Variants in SLC9A9 observed in about 807,000 individuals in gnomAD.
SLC9A9 encodes the protein sodium/hydrogen exchanger 9.
In SLC9A9, 62 loss-of-function variants were observed where a neutral mutation model predicts 77.8. The ratio of observed to expected loss-of-function variants is 0.80; its 90% CI spans 0.65 to 0.98. SLC9A9 has a LOEUF of 0.98. Among genes scored for constraint, SLC9A9 ranks in the 50% least tolerant of loss-of-function variants. The pLI is 0.00. For synonymous variants in SLC9A9, 320 were observed against 283.5 expected (o/e 1.13, Z -1.29); for missense variants, 775 against 774.9 (o/e 1.00, Z 0.00).
At chr3:143,782,967 T>C (rs1432256956) in intron 4 of SLC9A9, among the ~76,000 whole-genome samples, 1 of 152,148 alleles carries the variant, frequency 6.6e-6, no homozygotes, top group Non-Finnish European at 1.5e-5. Context: ...CAAAGCCATA[T>C]TCTGTCAGTT....
chr3:143,636,458 T>C (rs888945986), intron 6 of SLC9A9, among the ~76,000 whole-genome samples: 3 of 152,202 alleles, frequency 2.0e-5, no homozygotes, highest in African/African-American at 7.2e-5. Flanking sequence ...ATTTTGATTT[T>C]CCCAGTTTTA....
intron 2 of SLC9A9, among the ~76,000 whole-genome samples, chr3:143,809,885 G>C (rs1240170724): frequency 6.6e-6 from 1 of 152,184 alleles, no homozygotes; most frequent in African/African-American, 2.4e-5. Flanking sequence ...CTGGTAGCTA[G>C]TGGCAATTGG....
At chr3:143,428,480 T>G (rs2034447219) in intron 12 of SLC9A9, among the ~76,000 whole-genome samples, 1 of 152,134 alleles carries the variant, frequency 6.6e-6, no homozygotes, top group Non-Finnish European at 1.5e-5. Flanking sequence ...TTATACATTG[T>G]TGGTAGAAAT....
At position 143,731,630 on chromosome 3, in the gene SLC9A9, C is replaced by T. The variant is rs142174807; in HGVS notation, c.534-38323G>A. Among the ~76,000 whole-genome samples, 67 of 152,236 alleles carry T rather than the reference C, an allele frequency of 4.4e-4. No individual in the cohort carries two copies. The East Asian group carries it at 9.1e-3, about 21-fold the overall frequency. ...GTCAATATGGTATTGAATGTAGTGC[C>T]CCGTGACAAACATGATTCTCTTAAG... On this transcript the variant is annotated intron_variant, in intron 4 of 15. Coordinates refer to ENST00000316549, the MANE Select transcript of SLC9A9 (RefSeq NM_173653.4).
In SLC9A9 at chr3:143,795,005, T is replaced by C. The variant is rs2008336418; in HGVS notation, c.529A>G (p.Ile177Val). 2 of 1,613,772 alleles carry C rather than the reference T, an allele frequency of 1.2e-6. No homozygotes were observed. Among genetic ancestry groups the C allele is most frequent in the African/African-American group, 1.3e-5 (1 of 74,972 alleles). ...FLGTAISCIVIGLIMYGFVKA... is the reference protein window; with the variant it reads ...FLGTAISCIVVGLIMYGFVKA... ...TGAGCTCCGAATGTCACTTACCCTA[T>C]GACGATGCAGGAGATGGCAGTTCCC... Residue 177 changes from isoleucine (I) to valine (V), a missense_variant, in exon 4 of 16, where the codon ATA becomes GTA. Transcript: ENST00000316549.
At chr3:143,312,930 C>G (rs1433542519) in intron 14 of SLC9A9, 1 of 152,250 alleles carries the variant, frequency 6.6e-6, no homozygotes, top group Non-Finnish European at 1.5e-5. Flanking sequence ...TAGACACTTT[C>G]TCTCCTTTCA....
intron 13 of SLC9A9, among the ~76,000 whole-genome samples, chr3:143,378,171 G>A (rs541418986): frequency 6.6e-6 from 1 of 152,316 alleles, no homozygotes; most frequent in East Asian, 1.9e-4. Flanking sequence ...CCCCAATAGA[G>A]TATATACTCT....
rs371826063 is a variant in SLC9A9 at position 143,382,106 on chromosome 3, A to G, written c.1478T>C (p.Val493Ala). ...CTCCTTCAGATTTTCATCCAGGTCC[A>G]CGCCAACTCTGTTAAACAAAACCAA... ...MLTWLQIRVG[V>A]DLDENLKEDP... Residue 493 changes from valine to alanine, a missense_variant, in exon 13 of 16, where the codon GTG becomes GCG. Physicochemically the swap from Val to Ala is moderately conservative, Grantham distance 64. Transcript: ENST00000316549. 68 of 1,614,012 alleles carry G rather than the reference A, an allele frequency of 4.2e-5. No individual in the cohort carries two copies. Among genetic ancestry groups the G allele is most frequent in the Non-Finnish European group, 5.6e-5 (66 of 1,179,982 alleles).
intron 1 of SLC9A9, among the ~76,000 whole-genome samples, chr3:143,837,966 T>C (rs1355488116): frequency 6.6e-6 from 1 of 152,212 alleles, no homozygotes; most frequent in Admixed American, 6.5e-5. Context: ...AGAACCTTGG[T>C]TTTTGATGAC....
At chr3:143,292,647 C>T (rs2030064213) in intron 14 of SLC9A9, among the ~76,000 whole-genome samples, 1 of 152,012 alleles carries the variant, frequency 6.6e-6, no homozygotes, top group Admixed American at 6.6e-5. Flanking sequence ...ATAGGAAGGT[C>T]CCTCATAATG....
chr3:143,525,956 G>GA (rs1335126497), intron 9 of SLC9A9, among the ~76,000 whole-genome samples: 1 of 152,124 alleles, frequency 6.6e-6, no homozygotes, highest in Non-Finnish European at 1.5e-5. Flanking sequence ...AGACTGGAAG[G>GA]AAAAAAATGT....
At chr3:143,268,804 G>T in intron 15 of SLC9A9, 71 bp downstream of exon 15, 1 of 1,203,198 alleles carries the variant, frequency 8.3e-7, no homozygotes, top group East Asian at 2.5e-5. Flanking sequence ...AGGTTCCTGG[G>T]CTCATCGATA....
chr3:143,290,455 C>T (rs921387854), intron 14 of SLC9A9, among the ~76,000 whole-genome samples: 4 of 152,218 alleles, frequency 2.6e-5, no homozygotes, highest in African/African-American at 9.6e-5. Flanking sequence ...TCTGGTCACA[C>T]ATTCCCAGAT....
chr3:143,848,240 T>C lies in SLC9A9; in HGVS notation c.83A>G (p.Asn28Ser). Residue 28 changes from asparagine (N) to serine (S), a missense_variant, in exon 1 of 16, where the codon AAT (asparagine) becomes AGT (serine). Asn to Ser is a conservative substitution (Grantham distance 46). Transcript: ENST00000316549. ...HQGAVELLVFNFLLILTILTI... is the reference protein window; with the variant it reads ...HQGAVELLVFSFLLILTILTI... The stretch of plus-strand genomic sequence containing the variant: ...CAAAATGGTAAGGATGAGCAAAAAA[T>C]TGAAGACAAGCAGCTCCACCGCTCC... The C allele has an allele frequency of 3.1e-6, 5 of 1,613,970 alleles. No individual in the cohort carries two copies. The highest frequency in any genetic ancestry group is 4.2e-6 in the Non-Finnish European group (5 of 1,179,920).
Position 143,297,776 on chromosome 3 carries a change from C to G in SLC9A9, c.1605-28796G>C, listed in dbSNP as rs1246214375. Among the ~76,000 whole-genome samples, 9 of 152,064 alleles carry G rather than the reference C, an allele frequency of 5.9e-5. No homozygotes were observed. In the South Asian group the frequency reaches 1.9e-3, roughly 32 times the overall value. ...TGCCATTATAAATGAAATTAATTTT[C>G]TTTTTGTCTATTTTGTTGTCGTATA... On this transcript the variant is annotated intron_variant, in intron 14 of 15. Transcript: ENST00000316549.
At chr3:143,483,905 G>A (rs186103127) in intron 11 of SLC9A9, among the ~76,000 whole-genome samples, 179 of 149,960 alleles carry the variant, frequency 1.2e-3, no homozygotes, top group Admixed American at 2.1e-3. Flanking sequence ...CTTAAGGGCA[G>A]GGCCCTCATC....
intron 5 of SLC9A9, among the ~76,000 whole-genome samples, chr3:143,684,725 T>C (rs983285637): frequency 1.3e-5 from 2 of 152,108 alleles, no homozygotes; most frequent in Non-Finnish European, 2.9e-5. Flanking sequence ...GTATTTGTGG[T>C]TTAAATGGCA....
intron 12 of SLC9A9, among the ~76,000 whole-genome samples, chr3:143,446,490 T>C (rs1041379772): frequency 6.6e-6 from 1 of 151,978 alleles, no homozygotes; most frequent in Admixed American, 6.6e-5. Flanking sequence ...TTCGGGATGA[T>C]TGATGAGCAG....
rs1560040917 is a variant in SLC9A9, at chr3:143,705,033, ATC to A, written c.534-11728_534-11727del. Among the ~76,000 whole-genome samples, 230 of 32,530 alleles carry A rather than the reference ATC, an allele frequency of 7.1e-3. 2 individuals carry two copies. The highest frequency in any genetic ancestry group is 0.022 in the African/African-American group (223 of 10,150). The allele number at this position is 32,530 out of a possible 152,430, so 21.3% of individuals were successfully genotyped here. ...TATCTATCTATCTATCTATCTATCTATCTATCTATATAGATATAGATATAGAT... is the reference window on the plus strand; with the variant it reads ...TATCTATCTATCTATCTATCTATCTATATCTATATAGATATAGATATAGAT... On this transcript the variant is annotated intron_variant, in intron 4 of 15. Coordinates refer to ENST00000316549, the MANE Select transcript of SLC9A9 (RefSeq NM_173653.4).
Sources: allele counts gnomAD v4.1 joint callset (sites outside exome capture counted in the v4.1 genomes callset), GRCh38; gene constraint gnomAD v4.1.1; transcripts MANE v1.5; gene names NCBI Gene and HGNC (gene_info 2026-07-23, HGNC 2026-07-21).